Variants in N4BP2 observed in about 807,000 individuals in gnomAD.
N4BP2 encodes the protein NEDD4-binding protein 2.
In N4BP2, 91 loss-of-function variants were observed where a neutral mutation model predicts 152.8. That is an observed-to-expected ratio of 0.60 (90% CI 0.50 to 0.71). The LOEUF (loss-of-function observed/expected upper bound fraction) is 0.71, where lower values mean the gene tolerates loss of function less well. N4BP2 is among the 30% of genes least tolerant of loss of function. N4BP2 has a pLI of 0.00. For synonymous variants in N4BP2, 646 were observed against 705.3 expected (o/e 0.92, Z 1.33); for missense variants, 1,923 against 2,059.1 (o/e 0.93, Z 1.28).
chr4:40,155,396 CCAAAAAA>C lies in N4BP2; in HGVS notation c.*1160_*1166del, dbSNP rs1429397917. ...TGGGTGACAGAGCAAGACTCCGTCT[CCAAAAAA>C]AAAAAAGAAAAAAAAGAGAAAATAT... On this transcript the variant is annotated 3_prime_UTR_variant, in exon 18 of 18. Transcript: ENST00000261435. 1 of 139,090 alleles carries C rather than the reference CCAAAAAA, an allele frequency of 7.2e-6. No homozygotes were observed. Among genetic ancestry groups the C allele is most frequent in the East Asian group, 2.1e-4 (1 of 4,740 alleles). The allele number at this position is 139,090 out of a possible 1,614,324, so 8.6% of individuals were successfully genotyped here.
chr4:40,058,609 CTT>C (rs2109878683), intron 1 of N4BP2, among the ~76,000 whole-genome samples: 1 of 152,134 alleles, frequency 6.6e-6, no homozygotes, highest in Admixed American at 6.6e-5. Context: ...TACTTGTTGA[CTT>C]TAGTTAATTT....
chr4:40,104,036 G>A (rs1440824856), intron 4 of N4BP2, among the ~76,000 whole-genome samples: 1 of 151,812 alleles, frequency 6.6e-6, no homozygotes, highest in East Asian at 1.9e-4. Context: ...CTCACTGCAA[G>A]CTCCGCCTCC....
intron 2 of N4BP2, among the ~76,000 whole-genome samples, chr4:40,075,816 T>C (rs746498835): frequency 1.3e-5 from 2 of 152,082 alleles, no homozygotes; most frequent in African/African-American, 2.4e-5. Flanking sequence ...AACAGATAGA[T>C]ACATATTTCT....
chr4:40,127,365 G>A (rs562028299), intron 12 of N4BP2, among the ~76,000 whole-genome samples: 4 of 151,590 alleles, frequency 2.6e-5, no homozygotes, highest in Non-Finnish European at 5.9e-5. Context: ...CCACAGGCAT[G>A]TGCCACCATG....
chr4:40,087,902 T>G (rs996622723), intron 2 of N4BP2, among the ~76,000 whole-genome samples: 32 of 152,030 alleles, frequency 2.1e-4, no homozygotes, highest in African/African-American at 6.8e-4. Flanking sequence ...GCCCAGCTAA[T>G]TTTTGTATTT....
At chr4:40,068,168 T>G (rs1429844750) in intron 1 of N4BP2, among the ~76,000 whole-genome samples, 1 of 152,212 alleles carries the variant, frequency 6.6e-6, no homozygotes, top group Non-Finnish European at 1.5e-5. Flanking sequence ...ATTGGGTTAT[T>G]TGGATTTTGT....
At chr4:40,134,901 C>G (rs900333486) in intron 13 of N4BP2, among the ~76,000 whole-genome samples, 4 of 60,084 alleles carry the variant, frequency 6.7e-5, no homozygotes, top group Non-Finnish European at 1.1e-4. Context: ...TCCTTCCTTC[C>G]TTTCTCTCTC....
intron 16 of N4BP2, among the ~76,000 whole-genome samples, chr4:40,145,658 A>C (rs1246356242): frequency 6.6e-6 from 1 of 152,236 alleles, no homozygotes. Context: ...GTGTTATGAA[A>C]GAATATTCTT....
chr4:40,107,819 T>TG (rs1263418176), intron 5 of N4BP2, among the ~76,000 whole-genome samples: 2 of 152,220 alleles, frequency 1.3e-5, no homozygotes, highest in African/African-American at 4.8e-5. Context: ...CTTAGAATAT[T>TG]GTGTGGCATA....
downstream of N4BP2, among the ~76,000 whole-genome samples, chr4:40,161,810 G>A (rs868800162): frequency 6.6e-6 from 1 of 152,186 alleles, no homozygotes; most frequent in African/African-American, 2.4e-5. Flanking sequence ...TTAAAAAGTT[G>A]ATGGAAGAGC....
At chr4:40,178,755 T>A in the N4BP2 span, among the ~76,000 whole-genome samples, 3 of 152,182 alleles carry the variant, frequency 2.0e-5, no homozygotes, top group South Asian at 4.2e-4. Flanking sequence ...GGGAACGAAC[T>A]TCCTTTCAAT....
chr4:40,184,442 A>G, the N4BP2 span, among the ~76,000 whole-genome samples: 13 of 152,302 alleles, frequency 8.5e-5, no homozygotes, highest in Admixed American at 8.5e-4. Context: ...TGAAGAGAAT[A>G]AACTATATGA....
Position 40,121,420 on chromosome 4 carries a change from A to G in N4BP2, c.3309A>G (p.Ser1103=). 1 of 1,612,190 alleles carries G rather than the reference A, an allele frequency of 6.2e-7. No homozygotes were observed. The highest frequency in any genetic ancestry group is 1.7e-4 in the Middle Eastern group (1 of 6,044). ...NILCKLFGSF[S]LEALKDLYER... is the part of the protein sequence containing the mutation. ...TTTGTAAACTGTTTGGATCCTTTTCATTAGAAGCCCTGAAAGACTTATATG... is the reference window on the plus strand; with the variant it reads ...TTTGTAAACTGTTTGGATCCTTTTCGTTAGAAGCCCTGAAAGACTTATATG... The change falls in exon 9 of 18, where the codon TCA becomes TCG. Residue 1103 remains serine, a synonymous_variant. Coordinates refer to ENST00000261435, the MANE Select transcript of N4BP2 (RefSeq NM_018177.6).
chr4:40,084,592 C>A (rs965817115), intron 2 of N4BP2, among the ~76,000 whole-genome samples: 1 of 150,304 alleles, frequency 6.7e-6, no homozygotes, highest in Non-Finnish European at 1.5e-5. Context: ...TGCACCTCCA[C>A]GCCCAGCCAA....
At chr4:40,174,964 A>T in the N4BP2 span, among the ~76,000 whole-genome samples, 1 of 151,690 alleles carries the variant, frequency 6.6e-6, no homozygotes, top group African/African-American at 2.4e-5. Context: ...ATGTTAAGTA[A>T]AATAAGCCAG....
chr4:40,141,836 G>A (rs1281182292), intron 14 of N4BP2, among the ~76,000 whole-genome samples: 4 of 152,202 alleles, frequency 2.6e-5, no homozygotes, highest in African/African-American at 7.2e-5. Context: ...CTGCAATCCC[G>A]GCACCTCGGG....
intron 5 of N4BP2, among the ~76,000 whole-genome samples, chr4:40,110,757 C>T (rs985787002): frequency 4.6e-5 from 7 of 152,074 alleles, no homozygotes; most frequent in African/African-American, 1.4e-4. Flanking sequence ...AGGATGGTCT[C>T]GAACTCCTAA....
chr4:40,129,232 T>C (rs1718695482), intron 12 of N4BP2, among the ~76,000 whole-genome samples: 1 of 149,976 alleles, frequency 6.7e-6, no homozygotes, highest in African/African-American at 2.4e-5. Flanking sequence ...TTTTGTTTTG[T>C]TTTGTTTTTT....
At chr4:40,171,288 C>T in the N4BP2 span, among the ~76,000 whole-genome samples, 1,625 of 152,318 alleles carry the variant, frequency 0.011, 32 homozygotes, top group African/African-American at 0.036. Flanking sequence ...AGGAGACGAG[C>T]TCTAGGAGAA....
Sources: allele counts gnomAD v4.1 joint callset (sites outside exome capture counted in the v4.1 genomes callset), GRCh38; gene constraint gnomAD v4.1.1; transcripts MANE v1.5; gene names NCBI Gene and HGNC (gene_info 2026-07-23, HGNC 2026-07-21).